MAGI1: variants seen among roughly 807,000 people sequenced by gnomAD.
MAGI1 encodes the protein membrane associated guanylate kinase, WW and PDZ domain containing 1.
A neutral mutation model predicts 139.9 loss-of-function variants in MAGI1; 58 were observed. The ratio of observed to expected loss-of-function variants is 0.41; its 90% confidence interval spans 0.34 to 0.52. MAGI1 has a LOEUF of 0.52. Among genes scored for constraint, MAGI1 ranks in the 20% least tolerant of loss-of-function variants. The probability of loss-of-function intolerance (pLI) is 0.12; values close to 1 mark genes in which losing one functional copy is unlikely to be tolerated. For synonymous variants in MAGI1, 812 were observed against 737.9 expected (o/e 1.10, Z -1.63); for missense variants, 1,874 against 1,901.6 (o/e 0.99, Z 0.27).
At chr3:65,757,919 G>C (rs1180887745) in intron 1 of MAGI1, among the ~76,000 whole-genome samples, 1 of 152,098 alleles carries the variant, frequency 6.6e-6, no homozygotes, top group African/African-American at 2.4e-5. Context: ...AAACAATAGA[G>C]ACACATAATC....
At chr3:65,776,514 C>G (rs571480695) in intron 1 of MAGI1, among the ~76,000 whole-genome samples, 26 of 152,222 alleles carry the variant, frequency 1.7e-4, no homozygotes, top group Admixed American at 3.9e-4. Flanking sequence ...CAGTTTTGTA[C>G]AGGCTGATTT....
At chr3:65,950,106 A>AAAAAAC (rs796698272) in intron 1 of MAGI1, among the ~76,000 whole-genome samples, 23 of 84,192 alleles carry the variant, frequency 2.7e-4, no homozygotes, top group Non-Finnish European at 4.1e-4. Flanking sequence ...AAAAAAAAAA[A>AAAAAAC]CAGAACTAGC....
chr3:66,027,189 A>C (rs1392322301), intron 1 of MAGI1, among the ~76,000 whole-genome samples: 2 of 151,672 alleles, frequency 1.3e-5, no homozygotes, highest in Non-Finnish European at 2.9e-5. Flanking sequence ...AATGGCGTGA[A>C]CCCCAGAGGT....
chr3:65,498,488 G>A (rs1172615601), intron 2 of MAGI1, among the ~76,000 whole-genome samples: 1 of 152,198 alleles, frequency 6.6e-6, no homozygotes, highest in South Asian at 2.1e-4. Flanking sequence ...CCATTTCTCA[G>A]ATGTTCACTT....
intron 1 of MAGI1, among the ~76,000 whole-genome samples, chr3:65,728,594 A>C (rs1393137183): frequency 6.6e-6 from 1 of 152,236 alleles, no homozygotes; most frequent in East Asian, 1.9e-4. Flanking sequence ...GAAATAAGTC[A>C]AACTAGATAG....
chr3:65,943,174 G>A (rs535431412), intron 1 of MAGI1, among the ~76,000 whole-genome samples: 2 of 152,260 alleles, frequency 1.3e-5, no homozygotes, highest in Non-Finnish European at 2.9e-5. Context: ...CAGATTGGCT[G>A]TATTTTTGTT....
In MAGI1 at chr3:65,763,049, G is replaced by A. The variant is rs149581000; in HGVS notation, c.314-140961C>T. 7.2e-5 allele frequency among the ~76,000 whole-genome samples: 11 copies of A among 152,146 alleles called. No individual in the cohort carries two copies. The East Asian group carries it at 9.7e-4, about 13-fold the overall frequency. ...TACTTTGGGGAACAGCCATTCAAGG[G>A]GATATCTGCAGTGCAAGAGGCTCTC... On this transcript the variant is annotated intron_variant, in intron 1 of 22. Coordinates refer to ENST00000402939, the MANE Select transcript of MAGI1 (RefSeq NM_001033057.2).
intron 1 of MAGI1, among the ~76,000 whole-genome samples, chr3:65,965,292 C>T (rs900493179): frequency 6.6e-6 from 1 of 152,188 alleles, no homozygotes; most frequent in Admixed American, 6.5e-5. Flanking sequence ...CATATGGGTA[C>T]CACTTCTACT....
intron 1 of MAGI1, among the ~76,000 whole-genome samples, chr3:65,850,153 T>C (rs1271335553): frequency 6.6e-6 from 1 of 152,088 alleles, no homozygotes; most frequent in Admixed American, 6.6e-5. Flanking sequence ...TATAAAAAAA[T>C]AGTGCTAATT....
intron 5 of MAGI1, among the ~76,000 whole-genome samples, chr3:65,457,246 T>C (rs770600131): frequency 5.9e-5 from 9 of 152,232 alleles, no homozygotes; most frequent in East Asian, 1.9e-4. Context: ...AATGGAATCA[T>C]TGTATGTAAT....
At chr3:65,792,539 T>C (rs1028921219) in intron 1 of MAGI1, among the ~76,000 whole-genome samples, 1 of 152,072 alleles carries the variant, frequency 6.6e-6, no homozygotes, top group Non-Finnish European at 1.5e-5. Flanking sequence ...TAGCTAATAA[T>C]ATATTGTTAT....
chr3:65,471,248 T>C (rs79892417), intron 4 of MAGI1, among the ~76,000 whole-genome samples: 1,685 of 152,284 alleles, frequency 0.011, 34 homozygotes, highest in African/African-American at 0.038. Context: ...GTCATCAAAG[T>C]ATCCCCGAAT....
intron 1 of MAGI1, among the ~76,000 whole-genome samples, chr3:66,020,953 A>G (rs1182374251): frequency 6.6e-6 from 1 of 152,156 alleles, no homozygotes; most frequent in Non-Finnish European, 1.5e-5. Context: ...TGTACCGATT[A>G]AAAAGAAAAA....
chr3:65,921,307 T>C (rs1336328750), intron 1 of MAGI1, among the ~76,000 whole-genome samples: 1 of 145,418 alleles, frequency 6.9e-6, no homozygotes. Context: ...CAATGACGTA[T>C]AATTTTTTTT....
At chr3:65,906,491 C>G (rs1209113946) in intron 1 of MAGI1, among the ~76,000 whole-genome samples, 4 of 152,212 alleles carry the variant, frequency 2.6e-5, no homozygotes, top group Admixed American at 6.5e-5. Context: ...CAGGCCCATT[C>G]CTGCCCTCCA....
chr3:66,029,037 C>A (rs1442871847), intron 1 of MAGI1, among the ~76,000 whole-genome samples: 1 of 152,066 alleles, frequency 6.6e-6, no homozygotes, highest in African/African-American at 2.4e-5. Context: ...TTCCAACAAC[C>A]CTAGAGAGTA....
chr3:65,475,282 C>T (rs529235060), intron 4 of MAGI1, among the ~76,000 whole-genome samples: 47 of 152,208 alleles, frequency 3.1e-4, no homozygotes, highest in African/African-American at 1.1e-3. Context: ...GGTGCAGCCT[C>T]GGCTCACTGC....
chr3:65,548,502 A>G (rs2079613181), intron 2 of MAGI1, among the ~76,000 whole-genome samples: 1 of 140,976 alleles, frequency 7.1e-6, no homozygotes, highest in South Asian at 2.3e-4. Context: ...GCTTTATGCA[A>G]ACAACACTCT....
chr3:65,698,714 C>G (rs2089386625), intron 1 of MAGI1, among the ~76,000 whole-genome samples: 1 of 149,794 alleles, frequency 6.7e-6, no homozygotes, highest in Non-Finnish European at 1.5e-5. Context: ...ACACCTTATA[C>G]AAAAATCAAT....
Sources: gnomAD v4.1 joint callset for allele counts (sites outside exome capture counted in the v4.1 genomes callset) on GRCh38, gnomAD v4.1.1 for gene constraint, MANE v1.5 for transcripts, NCBI Gene and HGNC (gene_info 2026-07-23, HGNC 2026-07-21) for gene names.